Variants in LRMDA observed in about 807,000 individuals in gnomAD.
The protein encoded by LRMDA is leucine-rich melanocyte differentiation-associated protein.
In LRMDA, 18 loss-of-function variants were observed where a neutral mutation model predicts 29.8. The ratio of observed to expected loss-of-function variants is 0.60; its 90% CI spans 0.42 to 0.90. The LOEUF (loss-of-function observed/expected upper bound fraction) is 0.90. LRMDA is among the 40% of genes least tolerant of loss of function. The probability of loss-of-function intolerance (pLI) is 0.00; values close to 1 mark genes in which losing one functional copy is unlikely to be tolerated. For missense variants in LRMDA, 273 were observed against 273.9 expected, an observed-to-expected ratio of 1.00 and a Z score of 0.02; for synonymous variants, 125 against 109.4, an observed-to-expected ratio of 1.14 and a Z score of -0.89.
chr10:75,952,040 G>A (rs997852638), intron 2 of LRMDA, among the ~76,000 whole-genome samples: 8 of 152,136 alleles, frequency 5.3e-5, no homozygotes, highest in African/African-American at 1.7e-4. Context: ...CTGGGAAGAG[G>A]AAAGCCTCCA....
At chr10:75,483,768 G>A (rs7911744) in intron 2 of LRMDA, among the ~76,000 whole-genome samples, 2,236 of 149,782 alleles carry the variant, frequency 0.015, 49 homozygotes, top group African/African-American at 0.051. Flanking sequence ...ATTTGGGAGC[G>A]TATAATTGTA....
intron 2 of LRMDA, among the ~76,000 whole-genome samples, chr10:75,801,090 T>C (rs1489135447): frequency 6.6e-6 from 1 of 152,238 alleles, no homozygotes; most frequent in African/African-American, 2.4e-5. Context: ...ATGTCAGAAT[T>C]AAAACTCCAG....
chr10:76,494,884 G>A (rs971006996), intron 6 of LRMDA, among the ~76,000 whole-genome samples: 2 of 151,750 alleles, frequency 1.3e-5, no homozygotes, highest in Non-Finnish European at 2.9e-5. Context: ...ATATTTTGGG[G>A]TTTTACAGTT....
intron 2 of LRMDA, among the ~76,000 whole-genome samples, chr10:75,644,299 G>A (rs1307911340): frequency 6.6e-6 from 1 of 152,154 alleles, no homozygotes; most frequent in Admixed American, 6.5e-5. Flanking sequence ...CCTCAGGAAG[G>A]CATCACAATT....
chr10:75,937,886 C>G (rs1846324611), intron 2 of LRMDA, among the ~76,000 whole-genome samples: 1 of 152,148 alleles, frequency 6.6e-6, no homozygotes, highest in Non-Finnish European at 1.5e-5. Context: ...AATACATTAT[C>G]CTTAATGAAG....
chr10:76,523,353 G>T (rs530451160), intron 6 of LRMDA, among the ~76,000 whole-genome samples: 1 of 152,190 alleles, frequency 6.6e-6, no homozygotes. Context: ...TTTGTGTTCT[G>T]CCAAGGGGGT....
chr10:75,641,860 A>G (rs187931352), intron 2 of LRMDA, among the ~76,000 whole-genome samples: 25 of 152,332 alleles, frequency 1.6e-4, no homozygotes, highest in African/African-American at 5.5e-4. Context: ...CAGCTCAGGC[A>G]ACATAGCAAG....
intron 5 of LRMDA, among the ~76,000 whole-genome samples, chr10:76,156,535 A>C (rs937308204): frequency 6.6e-6 from 1 of 151,408 alleles, no homozygotes; most frequent in Non-Finnish European, 1.5e-5. Flanking sequence ...TGCCCTTCTG[A>C]TGGCCACAGA....
chr10:76,286,365 C>G (rs768854286), intron 5 of LRMDA, among the ~76,000 whole-genome samples: 2 of 152,226 alleles, frequency 1.3e-5, no homozygotes, highest in African/African-American at 2.4e-5. Context: ...CATTAACCAA[C>G]CCGGTGACCC....
intron 2 of LRMDA, among the ~76,000 whole-genome samples, chr10:75,761,167 A>G (rs1207801629): frequency 6.6e-6 from 1 of 152,220 alleles, no homozygotes; most frequent in East Asian, 1.9e-4. Context: ...CATGTGATCC[A>G]GCAGTTCCAC....
chr10:75,606,805 A>G (rs781110184), intron 2 of LRMDA, among the ~76,000 whole-genome samples: 8 of 152,360 alleles, frequency 5.3e-5, no homozygotes, highest in Admixed American at 2.6e-4. Context: ...TTATGTCTGT[A>G]TCTCTATTTC....
At chr10:75,798,498 AT>A (rs1211296977) in intron 2 of LRMDA, among the ~76,000 whole-genome samples, 4 of 151,908 alleles carry the variant, frequency 2.6e-5, no homozygotes, top group African/African-American at 9.6e-5. Flanking sequence ...TTTTTATTTC[AT>A]TGATTTTTCT....
chr10:75,752,637 T>C (rs1003173377), intron 2 of LRMDA, among the ~76,000 whole-genome samples: 4 of 152,202 alleles, frequency 2.6e-5, no homozygotes, highest in African/African-American at 7.2e-5. Flanking sequence ...TGGTGGTTTG[T>C]TCCTAAATGA....
At chr10:76,420,264 A>G (rs1222377093) in intron 6 of LRMDA, among the ~76,000 whole-genome samples, 2 of 151,914 alleles carry the variant, frequency 1.3e-5, no homozygotes, top group African/African-American at 4.8e-5. Flanking sequence ...ATTCTTTATT[A>G]TACCTGTTTT....
intron 6 of LRMDA, among the ~76,000 whole-genome samples, chr10:76,486,471 G>A (rs1842783597): frequency 6.6e-6 from 1 of 151,850 alleles, no homozygotes; most frequent in Non-Finnish European, 1.5e-5. Flanking sequence ...GTTTGATTCT[G>A]CATCTTATGC....
At chr10:76,439,972 C>T (rs1449671639) in intron 6 of LRMDA, among the ~76,000 whole-genome samples, 1 of 152,198 alleles carries the variant, frequency 6.6e-6, no homozygotes, top group Non-Finnish European at 1.5e-5. Context: ...TTACCCATCA[C>T]TCACCAGAAG....
chr10:76,176,870 G>T (rs930154112), intron 5 of LRMDA, among the ~76,000 whole-genome samples: 1 of 152,196 alleles, frequency 6.6e-6, no homozygotes, highest in Admixed American at 6.5e-5. Context: ...TTGTATCAAG[G>T]TGATGGTAAG....
At chr10:76,095,168 C>G (rs947084584) in intron 5 of LRMDA, among the ~76,000 whole-genome samples, 1 of 152,202 alleles carries the variant, frequency 6.6e-6, no homozygotes, top group Admixed American at 6.5e-5. Flanking sequence ...TCCCCACTTC[C>G]TGGCAATGCT....
intron 2 of LRMDA, among the ~76,000 whole-genome samples, chr10:75,711,668 G>A (rs1589166692): frequency 1.3e-5 from 2 of 152,120 alleles, no homozygotes; most frequent in Non-Finnish European, 2.9e-5. Flanking sequence ...TAAGAAAAGA[G>A]AAGTTTAAAA....
Sources: gnomAD v4.1 joint callset for allele counts (sites outside exome capture counted in the v4.1 genomes callset) on GRCh38, gnomAD v4.1.1 for gene constraint, MANE v1.5 for transcripts, NCBI Gene and HGNC (gene_info 2026-07-23, HGNC 2026-07-21) for gene names.